Variants in FAM117B observed in about 807,000 individuals in gnomAD.
FAM117B encodes the protein family with sequence similarity 117 member B.
A neutral mutation model predicts 52.8 loss-of-function variants in FAM117B; 22 were observed. The ratio of observed to expected loss-of-function variants is 0.42; its 90% CI spans 0.30 to 0.59. The LOEUF (loss-of-function observed/expected upper bound fraction) is 0.59, where lower values mean the gene tolerates loss of function less well. Ranked by LOEUF, FAM117B falls within the 20% of genes least tolerant of loss-of-function variation. The pLI, the probability that FAM117B is intolerant of heterozygous loss-of-function variation, is 0.22. For synonymous variants in FAM117B, 309 were observed against 324.1 expected (o/e 0.95, Z 0.50); for missense variants, 678 against 802.6 (o/e 0.84, Z 1.88).
intron 7 of FAM117B, among the ~76,000 whole-genome samples, chr2:202,764,973 G>T (rs543205574): frequency 3.2e-4 from 49 of 152,314 alleles, no homozygotes; most frequent in African/African-American, 1.2e-3. Context: ...GCAAAAGACG[G>T]ACATTGTATA....
chr2:202,741,112 C>G (rs1285698579), intron 4 of FAM117B, among the ~76,000 whole-genome samples: 2 of 152,022 alleles, frequency 1.3e-5, no homozygotes, highest in Non-Finnish European at 2.9e-5. Flanking sequence ...AAAGAGAAGT[C>G]AGTTAGAGCC....
intron 1 of FAM117B, among the ~76,000 whole-genome samples, chr2:202,685,343 G>C (rs936851152): frequency 2.0e-5 from 3 of 152,132 alleles, no homozygotes; most frequent in Admixed American, 2.0e-4. Context: ...ATTCATGTTA[G>C]AAATGCTCAG....
At chr2:202,691,980 A>G (rs2105775003) in intron 1 of FAM117B, among the ~76,000 whole-genome samples, 1 of 152,210 alleles carries the variant, frequency 6.6e-6, no homozygotes, top group African/African-American at 2.4e-5. Flanking sequence ...ATAACTGAGA[A>G]AGCAAATTAT....
chr2:202,766,625 G>C lies in FAM117B; in HGVS notation c.*861G>C, dbSNP rs1327034171. 1 of 152,556 alleles carries C rather than the reference G, an allele frequency of 6.6e-6. No individual in the cohort carries two copies. The highest frequency in any genetic ancestry group is 1.5e-5 in the Non-Finnish European group (1 of 68,032). 9.5% of individuals were successfully genotyped at this position (152,556 alleles called of 1,614,324 possible). On this transcript the variant is annotated 3_prime_UTR_variant, in exon 8 of 8. Transcript: ENST00000392238. ...TGGAACTTGATTTAAAAGTCAGTGA[G>C]CCAAAAGGAAGCTATCCAGCGTTGA...
chr2:202,738,471 C>T (rs1162567923), intron 4 of FAM117B, among the ~76,000 whole-genome samples: 1 of 152,132 alleles, frequency 6.6e-6, no homozygotes. Flanking sequence ...GACATCAGTT[C>T]AGACTATCTT....
rs1691867994 is a variant in FAM117B at position 202,760,397 on chromosome 2, T to G, written c.1451+1044T>G. The stretch of plus-strand genomic sequence containing the variant: ...CCTGTGTGGTGCTGCTGAACCACTG[T>G]GATGTGGCATCTCCTTTCACCGAAT... On this transcript the variant is annotated intron_variant, in intron 7 of 7. Transcript: ENST00000392238. Among the ~76,000 whole-genome samples the G allele has an allele frequency of 3.3e-5, 5 of 152,336 alleles. No homozygotes were observed. The South Asian group carries it at 1.0e-3, about 32-fold the overall frequency.
intron 2 of FAM117B, among the ~76,000 whole-genome samples, chr2:202,701,546 A>G (rs749418163): frequency 2.2e-4 from 33 of 152,240 alleles, no homozygotes; most frequent in Non-Finnish European, 4.0e-4. Context: ...GATCTGGGCA[A>G]AGTAAATGGA....
At chr2:202,651,353 T>C (rs529823902) in intron 1 of FAM117B, among the ~76,000 whole-genome samples, 2 of 148,890 alleles carry the variant, frequency 1.3e-5, no homozygotes, top group East Asian at 4.0e-4. Context: ...GAGCCACCGC[T>C]CCGGGCCCTT....
intron 1 of FAM117B, among the ~76,000 whole-genome samples, chr2:202,688,652 T>G (rs1690579161): frequency 6.6e-6 from 1 of 152,298 alleles, no homozygotes; most frequent in East Asian, 1.9e-4. Flanking sequence ...AGTAAAAGTA[T>G]GACTATTTTA....
At chr2:202,709,632 GTTGA>G (rs1690929210) in intron 2 of FAM117B, among the ~76,000 whole-genome samples, 1 of 152,122 alleles carries the variant, frequency 6.6e-6, no homozygotes, top group Admixed American at 6.5e-5. Context: ...TTTTTACTCT[GTTGA>G]TTGTTTTCTG....
In FAM117B at chr2:202,724,976, A is replaced by G. The variant is rs1691216370; in HGVS notation, c.813A>G (p.Ser271=). The G allele has an allele frequency of 1.2e-6, 2 of 1,613,502 alleles. No homozygotes were observed. Among genetic ancestry groups the G allele is most frequent in the Non-Finnish European group, 1.7e-6 (2 of 1,179,580 alleles). Residue 271 remains serine (S), a synonymous_variant, in exon 3 of 8, where the codon TCA becomes TCG. Transcript: ENST00000392238. ...AGAAGAAAGGGTCTCACAAGCGCTC[A>G]GCATCTTGGGGCAGTACAGATCAAC... is the stretch of plus-strand genomic sequence containing the variant. ...SEKKKGSHKR[S]ASWGSTDQLK...
intron 4 of FAM117B, among the ~76,000 whole-genome samples, chr2:202,753,209 A>G (rs1691752244): frequency 6.6e-6 from 1 of 152,196 alleles, no homozygotes; most frequent in African/African-American, 2.4e-5. Context: ...CTTAGAAATA[A>G]CACCACACAT....
intron 4 of FAM117B, among the ~76,000 whole-genome samples, chr2:202,753,820 T>C (rs1488886560): frequency 6.7e-6 from 1 of 149,818 alleles, no homozygotes; most frequent in Non-Finnish European, 1.5e-5. Flanking sequence ...AAAACCACAA[T>C]GTGATACCAT....
chr2:202,726,474 A>T, intron 4 of FAM117B, 111 bp downstream of exon 4: 1 of 718,022 alleles, frequency 1.4e-6, no homozygotes, highest in Non-Finnish European at 2.4e-6. Context: ...CATATTTGAA[A>T]CAGTGATTTA....
rs1412640961 is a variant in FAM117B, at chr2:202,766,534, A to C, written c.*770A>C. On this transcript the variant is annotated 3_prime_UTR_variant, in exon 8 of 8. Transcript: ENST00000392238. ...TGTTTTCTTCACTACTCCTGTACAC[A>C]TTTCACCATGTGGTCAGAAAAGTTG... 3 of 152,618 alleles carry C rather than the reference A, an allele frequency of 2.0e-5. No homozygotes were observed. The highest frequency in any genetic ancestry group is 1.3e-4 in the Admixed American group (2 of 15,284). The allele number at this position is 152,618 out of a possible 1,614,324, so 9.5% of individuals were successfully genotyped here.
At chr2:202,640,082 C>T (rs2105750881) in intron 1 of FAM117B, among the ~76,000 whole-genome samples, 1 of 151,650 alleles carries the variant, frequency 6.6e-6, no homozygotes, top group East Asian at 1.9e-4. Flanking sequence ...CCAGCCTGCC[C>T]AACATGGCGA....
intron 2 of FAM117B, among the ~76,000 whole-genome samples, chr2:202,718,190 C>T (rs1335468480): frequency 6.6e-6 from 1 of 152,164 alleles, no homozygotes; most frequent in Non-Finnish European, 1.5e-5. Flanking sequence ...AGTGGTTTCC[C>T]CTCTGGCCCA....
At chr2:202,745,174 G>T (rs955051145) in intron 4 of FAM117B, among the ~76,000 whole-genome samples, 3 of 151,768 alleles carry the variant, frequency 2.0e-5, no homozygotes, top group African/African-American at 4.8e-5. Flanking sequence ...CAGCTACTCA[G>T]GTGGCTGAGG....
intron 1 of FAM117B, among the ~76,000 whole-genome samples, chr2:202,671,157 C>T (rs548798334): frequency 3.3e-5 from 5 of 152,212 alleles, no homozygotes; most frequent in Admixed American, 6.5e-5. Context: ...TCATAAACAC[C>T]GTTTTGAGAT....
Sources: gnomAD v4.1 joint callset for allele counts (sites outside exome capture counted in the v4.1 genomes callset) on GRCh38, gnomAD v4.1.1 for gene constraint, MANE v1.5 for transcripts, NCBI Gene and HGNC (gene_info 2026-07-23, HGNC 2026-07-21) for gene names.